The following ANKRD36C variants were observed in gnomAD, a reference collection of about 807,000 sequenced individuals.
The protein encoded by ANKRD36C is ankyrin repeat domain-containing protein 36C.
Under a neutral mutation model 276.4 loss-of-function variants are expected in ANKRD36C, and 61 were observed. The ratio of observed to expected loss-of-function variants is 0.22; its 90% CI spans 0.18 to 0.27. ANKRD36C has a LOEUF of 0.27. Ranked by LOEUF, ANKRD36C falls within the 10% of genes least tolerant of loss-of-function variation. The pLI is 1.00. For missense variants in ANKRD36C, 1,447 were observed against 2,032.3 expected (o/e 0.71, Z 5.54); for synonymous variants, 483 against 680.1 (o/e 0.71, Z 4.51).
At chr2:95,953,712 T>G (rs1205632933) in intron 14 of ANKRD36C, among the ~76,000 whole-genome samples, 16 of 152,238 alleles carry the variant, frequency 1.1e-4, no homozygotes, top group Middle Eastern at 3.4e-3. Context: ...CCAGCAATTT[T>G]TTTTTCAGAT....
chr2:95,892,656 A>G (rs1676408482), intron 44 of ANKRD36C, among the ~76,000 whole-genome samples: 1 of 151,516 alleles, frequency 6.6e-6, no homozygotes, highest in Non-Finnish European at 1.5e-5. Flanking sequence ...TATTCACTAT[A>G]AATGACCATT....
Position 95,967,438 on chromosome 2 carries a change from A to T in ANKRD36C, c.800-4891T>A, listed in dbSNP as rs141538908. 6.0e-3 allele frequency among the ~76,000 whole-genome samples: 909 copies of T among 152,348 alleles called. 11 individuals carry two copies. The highest frequency in any genetic ancestry group is 0.021 in the African/African-American group (878 of 41,574). ...AAATGCAAACCAAAACCACAATAAG[A>T]TACCATCTCACGCCATTTAGAATGG... On this transcript the variant is annotated intron_variant, in intron 6 of 66. Transcript: ENST00000456556.
rs1678384810 is a variant in ANKRD36C at position 95,958,579 on chromosome 2, T to C, written c.1105+12A>G. The C allele has an allele frequency of 1.9e-6, 3 of 1,544,710 alleles. No homozygotes were observed. The African/African-American group carries it at 4.1e-5, about 21-fold the overall frequency. ...CAGTGTACATGGCATTAAATGTGTA[T>C]TGCAAAATTACCTGTCCCAGATTTT... On this transcript the variant is annotated intron_variant, in intron 12 of 66. Coordinates refer to ENST00000456556, the Ensembl canonical transcript of ANKRD36C.
chr2:95,849,852 A>G (rs1028106507), downstream of ANKRD36C, among the ~76,000 whole-genome samples: 2 of 152,204 alleles, frequency 1.3e-5, no homozygotes, highest in African/African-American at 4.8e-5. Flanking sequence ...AGCAACGGGC[A>G]GTGGCTGGAA....
At chr2:95,895,727 G>C (rs1676519716) in intron 44 of ANKRD36C, 137 bp from the exon 61 acceptor site, 8 of 1,444,300 alleles carry the variant, frequency 5.5e-6, no homozygotes, top group Non-Finnish European at 7.5e-6. Context: ...CTTTGTCTCA[G>C]GGGACCAGAA....
intron 44 of ANKRD36C, among the ~76,000 whole-genome samples, chr2:95,898,141 A>G (rs966744495): frequency 6.0e-5 from 9 of 149,570 alleles, no homozygotes; most frequent in Non-Finnish European, 9.0e-5. Context: ...AGGATAATAT[A>G]TTAGCCTCAA....
At chr2:95,878,295 T>TGCAATGTTC (rs1284842163) in intron 58 of ANKRD36C, among the ~76,000 whole-genome samples, 2 of 152,110 alleles carry the variant, frequency 1.3e-5, no homozygotes, top group African/African-American at 4.8e-5. Flanking sequence ...TCAAAATCAG[T>TGCAATGTTC]GCAATGTTCA....
chr2:95,932,959 A>G (rs376173396), intron 24 of ANKRD36C, among the ~76,000 whole-genome samples: 246 of 142,444 alleles, frequency 1.7e-3, no homozygotes, highest in South Asian at 5.3e-3. Flanking sequence ...TAATTTTTGT[A>G]TAAGGTGTAA....
At chr2:95,970,006 C>T (rs1042383775) in intron 6 of ANKRD36C, among the ~76,000 whole-genome samples, 9 of 152,092 alleles carry the variant, frequency 5.9e-5, no homozygotes, top group Admixed American at 3.9e-4. Flanking sequence ...AATCTATCCC[C>T]CATGTGTAAG....
intron 44 of ANKRD36C, 41 bp from the exon 59 acceptor site, chr2:95,897,506 A>C (rs1219524374): frequency 6.6e-7 from 1 of 1,518,840 alleles, no homozygotes; most frequent in Non-Finnish European, 8.9e-7. Context: ...ATATGTAAAA[A>C]TGACAAAATT....
chr2:95,919,007 C>G (rs1677193551), intron 34 of ANKRD36C, among the ~76,000 whole-genome samples: 1 of 131,788 alleles, frequency 7.6e-6, no homozygotes, highest in African/African-American at 2.6e-5. Flanking sequence ...TCAAGTTTAT[C>G]TCATTTTTAT....
At chr2:95,973,817 G>A (rs1438448598) in intron 6 of ANKRD36C, among the ~76,000 whole-genome samples, 5 of 152,276 alleles carry the variant, frequency 3.3e-5, no homozygotes, top group Non-Finnish European at 4.4e-5. Context: ...TAAGGCAGGA[G>A]GATCACTTGA....
chr2:95,920,505 A>C (rs1273179023), intron 34 of ANKRD36C, among the ~76,000 whole-genome samples: 1 of 132,056 alleles, frequency 7.6e-6, no homozygotes, highest in African/African-American at 2.6e-5. Context: ...TCTCACACCC[A>C]TGTGGTGTAA....
chr2:95,855,405 T>A (rs1407567212), exon 63 of ANKRD36C: 2 of 1,613,584 alleles, frequency 1.2e-6, no homozygotes, highest in South Asian at 2.2e-5. Context: ...TACTCTAGCA[T>A]CACATCTGGC....
rs752736993 is a variant in ANKRD36C at position 95,987,086 on chromosome 2, A to G, written c.312+6T>C. 5.9e-6 allele frequency: 9 copies of G among 1,522,044 alleles called. 1 individual carries two copies. In the South Asian group the frequency reaches 1.1e-4, roughly 19 times the overall value. 94.3% of individuals were successfully genotyped at this position (1,522,044 alleles called of 1,614,324 possible). On this transcript the variant is annotated splice_donor_region_variant and intron_variant, in intron 2 of 66. Coordinates refer to ENST00000456556, the Ensembl canonical transcript of ANKRD36C. ...TCATGCTCAAAAAGAGTCAGCTACT[A>G]TGTACCTTGATCAGAGGTGTCCTGT...
chr2:95,985,224 T>C (rs1390404235), intron 3 of ANKRD36C, among the ~76,000 whole-genome samples: 2 of 152,230 alleles, frequency 1.3e-5, no homozygotes, highest in Non-Finnish European at 2.9e-5. Context: ...TGCTGATAGA[T>C]ACTGCAAATA....
chr2:95,901,972 T>C lies in ANKRD36C; in HGVS notation c.2654-2636A>G, dbSNP rs888679249. ...ACAAGCATTAGATATTAATCAGTTT[T>C]TCATTCAGAAATCACTGCAATATTC... On this transcript the variant is annotated intron_variant, in intron 42 of 66. Transcript: ENST00000456556. Among the ~76,000 whole-genome samples, 60 of 148,500 alleles carry C rather than the reference T, an allele frequency of 4.0e-4. 1 individual carries two copies. Among genetic ancestry groups the C allele is most frequent in the Non-Finnish European group, 1.0e-4 (7 of 66,730 alleles).
At chr2:95,891,586 C>A (rs1161348645) in intron 46 of ANKRD36C, 79 bp downstream of exon 66, 2 of 1,470,772 alleles carry the variant, frequency 1.4e-6, no homozygotes, top group African/African-American at 1.4e-5. Flanking sequence ...TTCAACGAAC[C>A]CCCCGCTGAT....
chr2:95,989,475 A>G (rs1679094956), intron 1 of ANKRD36C, among the ~76,000 whole-genome samples: 3 of 152,030 alleles, frequency 2.0e-5, no homozygotes, highest in Admixed American at 2.0e-4. Flanking sequence ...ACACCTCAAC[A>G]TACATCTGTA....
Sources: allele counts gnomAD v4.1 joint callset (sites outside exome capture counted in the v4.1 genomes callset), GRCh38; gene constraint gnomAD v4.1.1; transcripts MANE v1.5; gene names NCBI Gene and HGNC (gene_info 2026-07-23, HGNC 2026-07-21).